Variants in CNTN6 observed in about 807,000 individuals in gnomAD.
CNTN6 encodes contactin-6.
CNTN6 carries 137 observed loss-of-function variants against 122.8 expected under a neutral mutation model. That is an observed-to-expected ratio of 1.12 (90% CI 0.97 to 1.29). The LOEUF (loss-of-function observed/expected upper bound fraction) is 1.29, where lower values mean the gene tolerates loss of function less well. Ranked by LOEUF, CNTN6 falls within the 50% of genes most tolerant of loss-of-function variation. The pLI is 0.00. For missense variants in CNTN6, 1,634 were observed against 1,223.4 expected (o/e 1.34, Z -5.01); for synonymous variants, 570 against 426.0 (o/e 1.34, Z -4.16).
At chr3:1,293,973 G>A (rs1403383656) in intron 5 of CNTN6, among the ~76,000 whole-genome samples, 1 of 152,128 alleles carries the variant, frequency 6.6e-6, no homozygotes, top group Admixed American at 6.6e-5. Flanking sequence ...ATTTTTGTGA[G>A]GTTATGGGAC....
intron 5 of CNTN6, among the ~76,000 whole-genome samples, chr3:1,289,970 G>C (rs1000451459): frequency 6.6e-6 from 1 of 151,828 alleles, no homozygotes; most frequent in South Asian, 2.1e-4. Flanking sequence ...CAATGCGCCC[G>C]GCGAGTTTTA....
chr3:1,402,539 A>G (rs1246762855), intron 22 of CNTN6, 53 bp downstream of exon 22: 5 of 1,468,348 alleles, frequency 3.4e-6, no homozygotes. Context: ...CAGCTGCAGC[A>G]TGAAATTCAG....
chr3:1,275,862 G>A (rs1692252827), intron 4 of CNTN6, among the ~76,000 whole-genome samples: 1 of 152,108 alleles, frequency 6.6e-6, no homozygotes, highest in South Asian at 2.1e-4. Flanking sequence ...ATAAAATGAA[G>A]CTTTGTTCGC....
chr3:1,328,042 C>G (rs923727708), intron 10 of CNTN6, among the ~76,000 whole-genome samples: 1 of 151,802 alleles, frequency 6.6e-6, no homozygotes, highest in Non-Finnish European at 1.5e-5. Context: ...GCATCAAAGC[C>G]TCATGGTTAC....
At chr3:1,370,876 AG>A (rs1456871126) in intron 12 of CNTN6, among the ~76,000 whole-genome samples, 3 of 152,132 alleles carry the variant, frequency 2.0e-5, no homozygotes, top group African/African-American at 7.2e-5. Flanking sequence ...AGTAAAAAAA[AG>A]TACATGCATC....
intron 12 of CNTN6, among the ~76,000 whole-genome samples, chr3:1,361,228 T>A (rs1170920061): frequency 6.6e-6 from 1 of 152,132 alleles, no homozygotes; most frequent in African/African-American, 2.4e-5. Context: ...AAAAAATTAT[T>A]TGGACCAACT....
rs541962119 is a variant in CNTN6, at chr3:1,196,030, G to C, written c.56-24657G>C. On this transcript the variant is annotated intron_variant, in intron 2 of 22. Coordinates refer to ENST00000446702, the MANE Select transcript of CNTN6 (RefSeq NM_001289080.2). ...ATAAAGCAAAAAGAGACAATGAAAG[G>C]TTAGGTTCTTATTGCCCCATCTCAT... Among the ~76,000 whole-genome samples the C allele has an allele frequency of 1.6e-4, 24 of 152,280 alleles. No homozygotes were observed. In the South Asian group the frequency reaches 5.0e-3, roughly 32 times the overall value.
chr3:1,132,754 C>A (rs1423396479), intron 1 of CNTN6, among the ~76,000 whole-genome samples: 1 of 152,032 alleles, frequency 6.6e-6, no homozygotes, highest in Non-Finnish European at 1.5e-5. Flanking sequence ...CAAAGAATTT[C>A]ACTTCTTTCC....
chr3:1,194,206 T>C (rs192271453), intron 2 of CNTN6, among the ~76,000 whole-genome samples: 109 of 152,106 alleles, frequency 7.2e-4, no homozygotes, highest in Admixed American at 1.2e-3. Context: ...GCCCCAAGAA[T>C]GTTTAAAGGG....
chr3:1,157,542 GTTA>G (rs2093002996), intron 2 of CNTN6, among the ~76,000 whole-genome samples: 1 of 152,086 alleles, frequency 6.6e-6, no homozygotes, highest in African/African-American at 2.4e-5. Flanking sequence ...GTGCAATTAA[GTTA>G]TTATTGACTA....
chr3:1,359,057 C>G (rs995020929), intron 12 of CNTN6, among the ~76,000 whole-genome samples: 1 of 151,936 alleles, frequency 6.6e-6, no homozygotes, highest in Non-Finnish European at 1.5e-5. Context: ...AAGATCCTGT[C>G]CCCCAAAACA....
intron 2 of CNTN6, among the ~76,000 whole-genome samples, chr3:1,172,916 G>A (rs2093384500): frequency 6.6e-6 from 1 of 152,132 alleles, no homozygotes; most frequent in African/African-American, 2.4e-5. Context: ...AACATCAGAG[G>A]CAGGAATCTC....
At chr3:1,195,675 T>G (rs1476167280) in intron 2 of CNTN6, among the ~76,000 whole-genome samples, 4 of 152,168 alleles carry the variant, frequency 2.6e-5, no homozygotes, top group African/African-American at 7.2e-5. Flanking sequence ...GCCTTCTTAG[T>G]TTACCTTTTG....
At chr3:1,397,974 A>T (rs1160233174) in intron 20 of CNTN6, among the ~76,000 whole-genome samples, 1 of 152,094 alleles carries the variant, frequency 6.6e-6, no homozygotes, top group East Asian at 1.9e-4. Context: ...TTACAGGGAA[A>T]CCATTAGAAT....
intron 4 of CNTN6, among the ~76,000 whole-genome samples, chr3:1,238,807 T>C (rs1301310078): frequency 6.6e-6 from 1 of 151,806 alleles, no homozygotes; most frequent in Non-Finnish European, 1.5e-5. Context: ...ACCAGGCAAA[T>C]ACATGGAAAT....
rs772465239 is a variant in CNTN6 at position 1,372,974 on chromosome 3, A to G, written c.1786+19A>G. 5 of 1,360,944 alleles carry G rather than the reference A, an allele frequency of 3.7e-6. No individual in the cohort carries two copies. In the Middle Eastern group the frequency reaches 5.5e-4, roughly 148 times the overall value. The allele number at this position is 1,360,944 out of a possible 1,614,324, so 84.3% of individuals were successfully genotyped here. ...GTTAGAGGTAAGCATAAATGGTGAA[A>G]AAGTGATCACATTGTTTCTTCACAG... On this transcript the variant is annotated intron_variant, in intron 14 of 22. Coordinates refer to ENST00000446702, the MANE Select transcript of CNTN6 (RefSeq NM_001289080.2).
chr3:1,304,605 T>G (rs1049158456), intron 7 of CNTN6, among the ~76,000 whole-genome samples: 1 of 152,180 alleles, frequency 6.6e-6, no homozygotes, highest in Non-Finnish European at 1.5e-5. Context: ...AAAAAATGCT[T>G]TATCTAGGGA....
intron 7 of CNTN6, among the ~76,000 whole-genome samples, chr3:1,318,868 T>C (rs553450735): frequency 6.6e-6 from 1 of 151,854 alleles, no homozygotes; most frequent in African/African-American, 2.4e-5. Context: ...AGAGATAACA[T>C]GTACTGGCTC....
chr3:1,289,937 G>A (rs1294038515), intron 5 of CNTN6, among the ~76,000 whole-genome samples: 1 of 152,190 alleles, frequency 6.6e-6, no homozygotes, highest in Non-Finnish European at 1.5e-5. Flanking sequence ...GCCTCCCAAA[G>A]TGCTGGGATT....
Sources: allele counts gnomAD v4.1 joint callset (sites outside exome capture counted in the v4.1 genomes callset), GRCh38; gene constraint gnomAD v4.1.1; transcripts MANE v1.5; gene names NCBI Gene and HGNC (gene_info 2026-07-23, HGNC 2026-07-21).